ADAMTS16: variants seen among roughly 807,000 people sequenced by gnomAD.
ADAMTS16 encodes A disintegrin and metalloproteinase with thrombospondin motifs 16.
A neutral mutation model predicts 145.8 loss-of-function variants in ADAMTS16; 94 were observed. That is an observed-to-expected ratio of 0.64 (90% CI 0.55 to 0.77). ADAMTS16 has a LOEUF of 0.77. Ranked by LOEUF, ADAMTS16 falls within the 30% of genes least tolerant of loss-of-function variation. ADAMTS16 has a pLI of 0.00. For synonymous variants in ADAMTS16, 659 were observed against 604.3 expected (o/e 1.09, Z -1.33); for missense variants, 1,585 against 1,591.5 (o/e 1.00, Z 0.07).
chr5:5,224,263 T>C (rs1420158523), intron 11 of ADAMTS16, among the ~76,000 whole-genome samples: 8 of 151,960 alleles, frequency 5.3e-5, no homozygotes, highest in Admixed American at 5.2e-4. Flanking sequence ...TAATCCATAA[T>C]ATGTAATGGT....
At chr5:5,180,188 G>C (rs759003446) in intron 3 of ADAMTS16, among the ~76,000 whole-genome samples, 1 of 152,048 alleles carries the variant, frequency 6.6e-6, no homozygotes, top group Admixed American at 6.6e-5. Flanking sequence ...TGGATGCCGT[G>C]GGTCAGCAGC....
intron 18 of ADAMTS16, among the ~76,000 whole-genome samples, chr5:5,297,245 A>T (rs1739577695): frequency 6.6e-6 from 1 of 152,204 alleles, no homozygotes; most frequent in Non-Finnish European, 1.5e-5. Context: ...GCAATGGCGT[A>T]TATGGCTGTG....
chr5:5,296,740 C>T (rs540068663), intron 18 of ADAMTS16, among the ~76,000 whole-genome samples: 8 of 152,100 alleles, frequency 5.3e-5, no homozygotes, highest in South Asian at 4.1e-4. Context: ...TTTGTGCTAT[C>T]GTTGGACATG....
At position 5,303,228 on chromosome 5, in the gene ADAMTS16, TG is replaced by T. The variant is rs1739864553; in HGVS notation, c.2790-38del. 56 of 1,493,282 alleles carry T rather than the reference TG, an allele frequency of 3.8e-5. No individual in the cohort carries two copies. In the South Asian group the frequency reaches 7.6e-4, roughly 20 times the overall value. The allele number at this position is 1,493,282 out of a possible 1,614,324, so 92.5% of individuals were successfully genotyped here. On this transcript the variant is annotated intron_variant, in intron 18 of 22. Coordinates refer to ENST00000274181, the MANE Select transcript of ADAMTS16 (RefSeq NM_139056.4). Reference sequence around the variant, plus strand: ...TGTGGGGCCGCTTCTATCAGAGTGATGGAGCCATCCCTCACCGAGGTCTCTT... The same window carrying T: ...TGTGGGGCCGCTTCTATCAGAGTGATGAGCCATCCCTCACCGAGGTCTCTT...
At chr5:5,143,312 G>A (rs930240975) in intron 2 of ADAMTS16, among the ~76,000 whole-genome samples, 10 of 152,080 alleles carry the variant, frequency 6.6e-5, no homozygotes, top group African/African-American at 2.4e-4. Flanking sequence ...TCAAAAAATG[G>A]GTGAAGTATA....
intron 14 of ADAMTS16, 74 bp from the exon 15 acceptor site, chr5:5,239,077 G>A: frequency 7.3e-6 from 10 of 1,370,424 alleles, no homozygotes; most frequent in East Asian, 2.7e-5. Flanking sequence ...GAGGTTTCTT[G>A]CATGAGATTG....
intron 17 of ADAMTS16, among the ~76,000 whole-genome samples, chr5:5,259,924 C>T (rs1737946022): frequency 6.6e-6 from 1 of 152,148 alleles, no homozygotes; most frequent in South Asian, 2.1e-4. Flanking sequence ...TGAGCAGCTC[C>T]CTCCCCCGAC....
At chr5:5,199,145 G>C (rs550849469) in intron 8 of ADAMTS16, among the ~76,000 whole-genome samples, 1 of 152,214 alleles carries the variant, frequency 6.6e-6, no homozygotes, top group African/African-American at 2.4e-5. Context: ...TGAGCCTTGA[G>C]AGCACTCAAG....
At chr5:5,197,298 CA>C (rs1735831402) in intron 8 of ADAMTS16, among the ~76,000 whole-genome samples, 1 of 152,142 alleles carries the variant, frequency 6.6e-6, no homozygotes, top group African/African-American at 2.4e-5. Flanking sequence ...TTGAATCACT[CA>C]AAAAATATTG....
At chr5:5,147,816 G>A (rs72647739) in intron 3 of ADAMTS16, among the ~76,000 whole-genome samples, 1,634 of 152,334 alleles carry the variant, frequency 0.011, 16 homozygotes, top group Non-Finnish European at 0.013. Context: ...GCAGCGAGGT[G>A]TGCCTTGCCC....
intron 17 of ADAMTS16, among the ~76,000 whole-genome samples, chr5:5,245,302 G>T (rs1421613994): frequency 1.3e-5 from 2 of 152,032 alleles, no homozygotes; most frequent in Non-Finnish European, 2.9e-5. Context: ...GATATTGGAG[G>T]GTGAAAATCC....
intron 11 of ADAMTS16, among the ~76,000 whole-genome samples, chr5:5,230,743 C>G (rs1423028244): frequency 6.6e-6 from 1 of 152,164 alleles, no homozygotes; most frequent in African/African-American, 2.4e-5. Context: ...AACAGCAAAT[C>G]AACAACGATG....
In ADAMTS16 at chr5:5,239,723, T is replaced by C; in HGVS notation, c.2321T>C (p.Ile774Thr). 1 of 1,614,150 alleles carries C rather than the reference T, an allele frequency of 6.2e-7. No individual in the cohort carries two copies. The highest frequency in any genetic ancestry group is 1.7e-5 in the Admixed American group (1 of 60,024). ...MVTIPSGARS[I>T]RIYEMNVSTS... The stretch of plus-strand genomic sequence containing the variant: ...ACCATTCCTTCTGGAGCCCGGAGTA[T>C]CCGCATCTATGAAATGAACGTCTCT... Residue 774 changes from isoleucine to threonine, a missense_variant, in exon 16 of 23, where the codon ATC (isoleucine) becomes ACC (threonine). Ile to Thr is a moderately conservative substitution (Grantham distance 89, BLOSUM62 -1). Coordinates refer to ENST00000274181, the MANE Select transcript of ADAMTS16 (RefSeq NM_139056.4).
chr5:5,187,320 C>T (rs1420591246), intron 5 of ADAMTS16, among the ~76,000 whole-genome samples: 1 of 152,150 alleles, frequency 6.6e-6, no homozygotes, highest in African/African-American at 2.4e-5. Context: ...CATCTCATTA[C>T]CATGATTTTT....
chr5:5,218,839 A>T (rs1736510138), intron 10 of ADAMTS16, among the ~76,000 whole-genome samples: 1 of 151,986 alleles, frequency 6.6e-6, no homozygotes, highest in East Asian at 1.9e-4. Context: ...GCATCCAGAC[A>T]TCCCTCCTCT....
chr5:5,278,916 C>A, intron 18 of ADAMTS16, among the ~76,000 whole-genome samples: 1 of 151,302 alleles, frequency 6.6e-6, no homozygotes, highest in African/African-American at 2.4e-5. Context: ...AAAAACCAAC[C>A]AAACAAACAA....
chr5:5,232,514 C>T lies in ADAMTS16; in HGVS notation c.1848C>T (p.Pro616=), dbSNP rs376099522. 3.1e-6 allele frequency: 5 copies of T among 1,613,202 alleles called. No homozygotes were observed. Among genetic ancestry groups the T allele is most frequent in the Non-Finnish European group, 4.2e-6 (5 of 1,179,900 alleles). ...ATAGGAGTCGCCTCTGCACCAACCC[C>T]AAGTAAGTATGCCTTGACCTCCTTC... is the stretch of plus-strand genomic sequence containing the variant. ...VSHRSRLCTN[P]KPSHGGKFCE... Residue 616 remains proline (P), a splice_region_variant and synonymous_variant, in exon 12 of 23, where the codon CCC becomes CCT. Coordinates refer to ENST00000274181, the MANE Select transcript of ADAMTS16 (RefSeq NM_139056.4).
chr5:5,184,733 T>C (rs1735449971), intron 4 of ADAMTS16, among the ~76,000 whole-genome samples: 2 of 151,836 alleles, frequency 1.3e-5, no homozygotes, highest in African/African-American at 4.8e-5. Context: ...GCAAGCTCCA[T>C]ATTGAGGGGC....
intron 18 of ADAMTS16, among the ~76,000 whole-genome samples, chr5:5,300,175 C>A (rs1739713586): frequency 6.6e-6 from 1 of 152,136 alleles, no homozygotes; most frequent in Non-Finnish European, 1.5e-5. Context: ...CTTTTGCAGC[C>A]TCAGTGTAGA....
Sources: allele counts gnomAD v4.1 joint callset (sites outside exome capture counted in the v4.1 genomes callset), GRCh38; gene constraint gnomAD v4.1.1; transcripts MANE v1.5; gene names NCBI Gene and HGNC (gene_info 2026-07-23, HGNC 2026-07-21).